Variants in MYT1L observed in about 807,000 individuals in gnomAD.
The protein encoded by MYT1L is myelin transcription factor 1 like, also known as myelin transcription factor 1-like protein.
Under a neutral mutation model 126.7 loss-of-function variants are expected in MYT1L, and 12 were observed. The ratio of observed to expected loss-of-function variants is 0.09; its 90% CI spans 0.06 to 0.15. The LOEUF (loss-of-function observed/expected upper bound fraction) is 0.15, where lower values mean the gene tolerates loss of function less well. Among genes scored for constraint, MYT1L ranks in the 10% least tolerant of loss-of-function variants. The pLI, the probability that MYT1L is intolerant of heterozygous loss-of-function variation, is 1.00. For missense variants in MYT1L, 979 were observed against 1,585.2 expected (o/e 0.62, Z 6.49); for synonymous variants, 541 against 604.2 (o/e 0.90, Z 1.53).
At chr2:1,900,768 G>T (rs2050238345) in intron 14 of MYT1L, among the ~76,000 whole-genome samples, 1 of 152,164 alleles carries the variant, frequency 6.6e-6, no homozygotes, top group African/African-American at 2.4e-5. Flanking sequence ...GTGGCGAGAG[G>T]CTGCATTTCC....
intron 3 of MYT1L, among the ~76,000 whole-genome samples, chr2:2,109,759 T>C (rs1015530861): frequency 4.6e-5 from 7 of 150,656 alleles, no homozygotes; most frequent in African/African-American, 1.7e-4. Flanking sequence ...ATGATGTAAA[T>C]GAAAATTGGT....
At chr2:1,794,096 G>A (rs1312979661) in intron 23 of MYT1L, among the ~76,000 whole-genome samples, 1 of 152,046 alleles carries the variant, frequency 6.6e-6, no homozygotes, top group Non-Finnish European at 1.5e-5. Context: ...TTTTAAAAAG[G>A]TACACGCAGG....
chr2:2,169,860 G>A (rs1017925635), intron 3 of MYT1L, among the ~76,000 whole-genome samples: 3 of 152,162 alleles, frequency 2.0e-5, no homozygotes, highest in African/African-American at 7.2e-5. Context: ...GTATCCAGGC[G>A]TGGAAACACC....
At chr2:2,306,097 G>A (rs1001019213) in intron 1 of MYT1L, 8 of 152,168 alleles carry the variant, frequency 5.3e-5, no homozygotes, top group Non-Finnish European at 1.0e-4. Context: ...CCATGAACCC[G>A]AGTGTGAAGA....
chr2:1,902,912 T>C (rs1165618762), intron 14 of MYT1L, 168 bp downstream of exon 14: 3 of 626,380 alleles, frequency 4.8e-6, no homozygotes, highest in Non-Finnish European at 8.4e-6. Context: ...TACAGCTGTG[T>C]GGACCTGAGG....
chr2:1,940,542 C>A (rs377533128), intron 9 of MYT1L, among the ~76,000 whole-genome samples: 1 of 134,042 alleles, frequency 7.5e-6, no homozygotes, highest in African/African-American at 2.8e-5. Context: ...TCAACATCTC[C>A]CTGTGGCTGC....
rs1275478234 is a variant in MYT1L, at chr2:1,929,544, G to A, written c.506-6281C>T. On this transcript the variant is annotated intron_variant, in intron 9 of 24. Coordinates refer to ENST00000647738, the MANE Select transcript of MYT1L (RefSeq NM_001303052.2). The surrounding 1 kb of genome is among the most constrained non-coding windows in gnomAD (Gnocchi z 4.7). ...CTTCCCTACTACATCTAACTCAGCA[G>A]TGCTTCTGTGTGTCTTATTTCCAGT... Among the ~76,000 whole-genome samples the A allele has an allele frequency of 6.6e-6, 1 of 152,210 alleles. No individual in the cohort carries two copies. The highest frequency in any genetic ancestry group is 1.5e-5 in the Non-Finnish European group (1 of 68,038).
chr2:1,841,162 C>CT (rs1209689299), intron 19 of MYT1L: 2,451 of 86,382 alleles, frequency 0.028, 287 homozygotes, highest in African/African-American at 0.072. Context: ...ACCTCGGCCT[C>CT]TTTTTTTTTT....
chr2:1,820,534 T>C (rs968960758), intron 21 of MYT1L, among the ~76,000 whole-genome samples: 1 of 152,090 alleles, frequency 6.6e-6, no homozygotes, highest in East Asian at 1.9e-4. Context: ...CTACCATCAG[T>C]TGGCTTTTTG....
intron 2 of MYT1L, among the ~76,000 whole-genome samples, chr2:2,206,888 T>C (rs2093342688): frequency 6.6e-6 from 1 of 152,258 alleles, no homozygotes; most frequent in Non-Finnish European, 1.5e-5. Context: ...AGCACGGTAC[T>C]GAAGGGCTAT....
intron 5 of MYT1L, among the ~76,000 whole-genome samples, chr2:1,983,889 A>G (rs186818496): frequency 9.2e-5 from 14 of 152,342 alleles, no homozygotes; most frequent in Admixed American, 8.5e-4. Context: ...CCAGTAATTT[A>G]CATTTAGAAA....
At chr2:2,329,304 G>A (rs977950121) in intron 1 of MYT1L, among the ~76,000 whole-genome samples, 1 of 151,544 alleles carries the variant, frequency 6.6e-6, no homozygotes, top group Admixed American at 6.6e-5. Flanking sequence ...AACTTTTTGT[G>A]GGTGGGGGTG....
At chr2:1,933,273 G>C (rs1451824229) in intron 9 of MYT1L, among the ~76,000 whole-genome samples, 4 of 151,802 alleles carry the variant, frequency 2.6e-5, no homozygotes, top group Non-Finnish European at 5.9e-5. Flanking sequence ...GGGCTCCCAG[G>C]TGATAGAGAA....
intron 2 of MYT1L, among the ~76,000 whole-genome samples, chr2:2,203,933 A>G (rs1294963459): frequency 1.3e-5 from 2 of 152,206 alleles, no homozygotes; most frequent in Non-Finnish European, 2.9e-5. Context: ...ATGGAAGAGA[A>G]CAGAGCCCTC....
At chr2:2,001,237 C>CTTTTTTTTTTTTT (rs11389323) in intron 4 of MYT1L, among the ~76,000 whole-genome samples, 6 of 103,900 alleles carry the variant, frequency 5.8e-5, no homozygotes, top group Non-Finnish European at 9.6e-5. Context: ...TTGGTTTTAG[C>CTTTTTTTTTTTTT]TTTTTTTTTT....
At chr2:2,127,358 C>T (rs1388121283) in intron 3 of MYT1L, among the ~76,000 whole-genome samples, 1 of 152,216 alleles carries the variant, frequency 6.6e-6, no homozygotes, top group Non-Finnish European at 1.5e-5. Context: ...GTAAAGACAA[C>T]ACTTTTTATT....
intron 2 of MYT1L, among the ~76,000 whole-genome samples, chr2:2,209,361 T>C (rs1036677983): frequency 2.0e-5 from 3 of 152,200 alleles, no homozygotes; most frequent in African/African-American, 7.2e-5. Context: ...TTTCTATTTT[T>C]GTAACCATTA....
chr2:1,937,901 G>A (rs928508501), intron 9 of MYT1L, among the ~76,000 whole-genome samples: 2 of 152,108 alleles, frequency 1.3e-5, no homozygotes, highest in African/African-American at 4.8e-5. Flanking sequence ...TCTGGAGAAC[G>A]CGATACAGGA....
intron 3 of MYT1L, among the ~76,000 whole-genome samples, chr2:2,130,823 CTT>C (rs1035983498): frequency 6.6e-6 from 1 of 151,996 alleles, no homozygotes; most frequent in African/African-American, 2.4e-5. Flanking sequence ...TTTGTGTGCT[CTT>C]GTTTGCTTAG....
Sources: gnomAD v4.1 joint callset for allele counts (sites outside exome capture counted in the v4.1 genomes callset) on GRCh38, gnomAD v4.1.1 for gene constraint, Gnocchi (gnomAD v3.1) non-coding constraint, MANE v1.5 for transcripts, NCBI Gene and HGNC (gene_info 2026-07-23, HGNC 2026-07-21) for gene names.